Variants in ANKRD42 observed in about 807,000 individuals in gnomAD.
The protein encoded by ANKRD42 is ankyrin repeat domain-containing protein 42.
In ANKRD42, 43 loss-of-function variants were observed where a neutral mutation model predicts 51.5. The ratio of observed to expected loss-of-function variants is 0.83; its 90% CI spans 0.65 to 1.08. ANKRD42 has a LOEUF of 1.08. ANKRD42 is among the 50% of genes least tolerant of loss of function. ANKRD42 has a pLI of 0.00. For missense variants in ANKRD42, 608 were observed against 629.3 expected (o/e 0.97, Z 0.36); for synonymous variants, 203 against 213.0 (o/e 0.95, Z 0.41).
chr11:83,231,498 A>G (rs1434976205), intron 7 of ANKRD42, among the ~76,000 whole-genome samples: 2 of 152,078 alleles, frequency 1.3e-5, no homozygotes, highest in Non-Finnish European at 2.9e-5. Context: ...ATTTTCTCTC[A>G]TTCTGTGGGT....
At chr11:83,221,848 G>A (rs556621676) in intron 5 of ANKRD42, among the ~76,000 whole-genome samples, 15 of 152,306 alleles carry the variant, frequency 9.8e-5, no homozygotes, top group African/African-American at 3.6e-4. Context: ...GAGGATGGTA[G>A]TCCTACCTCT....
rs753450806 is a variant in ANKRD42 at position 83,194,730 on chromosome 11, T to C, written c.58+2T>C. On this transcript the variant is annotated splice_donor_variant, in intron 1 of 10. Coordinates refer to ENST00000533342, the MANE Select transcript of ANKRD42 (RefSeq NM_001300975.2). LOFTEE classifies it high-confidence loss of function. Reference sequence around the variant, plus strand: ...CCTCTAGGGAGACTGCAAACCCCTGTGAGTCAGACTGTCATTGGCCTTCAT... The same window carrying C: ...CCTCTAGGGAGACTGCAAACCCCTGCGAGTCAGACTGTCATTGGCCTTCAT... 12 of 1,583,038 alleles carry C rather than the reference T, an allele frequency of 7.6e-6. No individual in the cohort carries two copies. Among genetic ancestry groups the C allele is most frequent in the Non-Finnish European group, 1.0e-5 (12 of 1,165,054 alleles).
At chr11:83,225,096 A>G in intron 6 of ANKRD42, 41 bp downstream of exon 6, 1 of 1,514,196 alleles carries the variant, frequency 6.6e-7, no homozygotes, top group East Asian at 2.3e-5. Context: ...TAATGTGATG[A>G]TGATGATGAT....
chr11:83,258,083 C>T (rs190559976), downstream of ANKRD42, among the ~76,000 whole-genome samples: 125 of 152,242 alleles, frequency 8.2e-4, 2 homozygotes, highest in Non-Finnish European at 2.4e-4. Context: ...GAGTCAGCCA[C>T]TGGACCTTGT....
Position 83,248,353 on chromosome 11 carries a change from A to G in ANKRD42, c.*149A>G. On this transcript the variant is annotated 3_prime_UTR_variant, in exon 11 of 11. Transcript: ENST00000533342. Reference sequence around the variant, plus strand: ...CACACACACTCTATATGTAACTATAACTTTCTAGATACATACACACATCTG... The same window carrying G: ...CACACACACTCTATATGTAACTATAGCTTTCTAGATACATACACACATCTG... The G allele has an allele frequency of 1.5e-6, 2 of 1,360,168 alleles. No homozygotes were observed. Among genetic ancestry groups the G allele is most frequent in the South Asian group, 4.2e-5 (2 of 47,966 alleles). 84.3% of individuals were successfully genotyped at this position (1,360,168 alleles called of 1,614,324 possible). A position where few individuals can be genotyped will look rare whatever the true frequency, so the allele number is the denominator to read the frequency against.
chr11:83,253,948 GA>G (rs1288343755), downstream of ANKRD42, among the ~76,000 whole-genome samples: 1 of 152,078 alleles, frequency 6.6e-6, no homozygotes, highest in Non-Finnish European at 1.5e-5. Flanking sequence ...AAAAGGTAAA[GA>G]AAAATAAGTA....
chr11:83,229,447 C>T (rs912070400), intron 7 of ANKRD42, among the ~76,000 whole-genome samples: 2 of 152,004 alleles, frequency 1.3e-5, no homozygotes, highest in African/African-American at 2.4e-5. Context: ...TGCTAATGCG[C>T]GTGTGTGGGG....
At chr11:83,249,378 T>C (rs1364269750), downstream of ANKRD42, among the ~76,000 whole-genome samples, 1 of 152,106 alleles carries the variant, frequency 6.6e-6, no homozygotes, top group Non-Finnish European at 1.5e-5. Flanking sequence ...GGCCAATTAG[T>C]TTTTTTGTTT....
intron 6 of ANKRD42, among the ~76,000 whole-genome samples, chr11:83,226,502 C>A (rs1377728635): frequency 1.3e-5 from 2 of 152,100 alleles, no homozygotes; most frequent in Non-Finnish European, 1.5e-5. Flanking sequence ...TGGAAAGAAA[C>A]AACCTAGAAT....
chr11:83,247,896 T>A, intron 10 of ANKRD42, 47 bp from the exon 11 acceptor site: 1 of 1,458,936 alleles, frequency 6.9e-7, no homozygotes, highest in Non-Finnish European at 9.3e-7. Flanking sequence ...AAAGTAATTA[T>A]TAGTTGACAT....
chr11:83,235,514 A>AT (rs1408426388), intron 7 of ANKRD42, among the ~76,000 whole-genome samples: 2 of 152,212 alleles, frequency 1.3e-5, no homozygotes, highest in Non-Finnish European at 2.9e-5. Context: ...CTAAGATTGC[A>AT]TTTTTTAAAA....
chr11:83,251,278 A>G (rs1863670489), downstream of ANKRD42, among the ~76,000 whole-genome samples: 1 of 152,074 alleles, frequency 6.6e-6, no homozygotes, highest in Non-Finnish European at 1.5e-5. Flanking sequence ...CCTTCTATCA[A>G]GCACCTTGTA....
At chr11:83,205,645 T>C (rs2135490454) in intron 2 of ANKRD42, among the ~76,000 whole-genome samples, 1 of 152,370 alleles carries the variant, frequency 6.6e-6, no homozygotes, top group Non-Finnish European at 1.5e-5. Flanking sequence ...ATGCAAAAGC[T>C]CTGGACCCGT....
intron 1 of ANKRD42, 50 bp from the exon 2 acceptor site, chr11:83,198,429 T>C (rs772398117): frequency 1.3e-6 from 2 of 1,531,874 alleles, no homozygotes; most frequent in African/African-American, 2.8e-5. Context: ...AGTCTTTTTT[T>C]TTCTTTCATA....
intron 3 of ANKRD42, chr11:83,209,579 G>A (rs981519279): frequency 2.2e-6 from 2 of 926,306 alleles, no homozygotes; most frequent in African/African-American, 1.6e-5. Context: ...TATGATCCAT[G>A]AACCAGAACC....
At chr11:83,220,526 C>T (rs1052674117) in intron 5 of ANKRD42, among the ~76,000 whole-genome samples, 24 of 152,042 alleles carry the variant, frequency 1.6e-4, no homozygotes, top group Non-Finnish European at 3.5e-4. Context: ...CGGTGAGTCA[C>T]GGACTGATAG....
At chr11:83,216,528 G>T (rs373999669) in intron 5 of ANKRD42, among the ~76,000 whole-genome samples, 1,625 of 152,004 alleles carry the variant, frequency 0.011, 21 homozygotes, top group African/African-American at 0.036. Flanking sequence ...GTTTCACCGT[G>T]TTAGCCAGGA....
chr11:83,203,099 C>T (rs1350935723), intron 2 of ANKRD42, among the ~76,000 whole-genome samples: 1 of 150,386 alleles, frequency 6.6e-6, no homozygotes, highest in Non-Finnish European at 1.5e-5. Context: ...TCAAGCAGCT[C>T]TCCCACCTCA....
At chr11:83,219,739 A>G (rs941509824) in intron 5 of ANKRD42, among the ~76,000 whole-genome samples, 3 of 152,256 alleles carry the variant, frequency 2.0e-5, no homozygotes, top group African/African-American at 7.2e-5. Flanking sequence ...GGAAGGGGAA[A>G]GTTTATCTGG....
Sources: gnomAD v4.1 joint callset for allele counts (sites outside exome capture counted in the v4.1 genomes callset) on GRCh38, gnomAD v4.1.1 for gene constraint, MANE v1.5 for transcripts, NCBI Gene and HGNC (gene_info 2026-07-23, HGNC 2026-07-21) for gene names.